MYH1: variants seen among roughly 807,000 people sequenced by gnomAD.
MYH1 encodes myosin heavy chain 1.
In MYH1, 214 loss-of-function variants were observed where a neutral mutation model predicts 225.6. That is an observed-to-expected ratio of 0.95 (90% CI 0.85 to 1.06). The LOEUF (loss-of-function observed/expected upper bound fraction) is 1.06. Among genes scored for constraint, MYH1 ranks in the 50% least tolerant of loss-of-function variants. The pLI is 0.00. For missense variants in MYH1, 2,098 were observed against 2,344.2 expected, an observed-to-expected ratio of 0.89 and a Z score of 2.17; for synonymous variants, 774 against 842.3, an observed-to-expected ratio of 0.92 and a Z score of 1.40.
intron 30 of MYH1, 121 bp downstream of exon 30, chr17:10,498,505 C>A (rs1376870112): frequency 1.9e-5 from 26 of 1,388,562 alleles, no homozygotes; most frequent in Non-Finnish European, 2.4e-5. Flanking sequence ...AAGGCATCTA[C>A]CAAAACATTA....
chr17:10,496,546 A>G lies in MYH1; in HGVS notation c.4660T>C (p.Ser1554Pro). ...LQAALEEAEA[S>P]LEHEEGKILR... ...ATCTTTCCCTCTTCATGTTCAAGAG[A>G]TGCCTTAATGACAGCAAGAGGTGAC... Residue 1554 changes from serine (S) to proline (P), a missense_variant, in exon 34 of 40, where the codon TCT becomes CCT. Transcript: ENST00000226207. The G allele has an allele frequency of 6.2e-7, 1 of 1,614,106 alleles. No homozygotes were observed. Among genetic ancestry groups the G allele is most frequent in the Non-Finnish European group, 8.5e-7 (1 of 1,180,020 alleles).
Position 10,501,374 on chromosome 17 carries a change from A to G in MYH1, c.3474T>C (p.Gly1158=). ...TCTCAATCTGGGCTGAGGTGGCCCC[A>G]CCGGCTTCTTCCAGCCTCTCGCTGA... ...EEISERLEEA[G]GATSAQIEMN... is the part of the protein sequence containing the mutation. The change falls in exon 27 of 40, where the codon GGT becomes GGC. Residue 1158 remains glycine, a synonymous_variant. Coordinates refer to ENST00000226207, the MANE Select transcript of MYH1 (RefSeq NM_005963.4). The G allele has an allele frequency of 6.2e-7, 1 of 1,614,064 alleles. No individual in the cohort carries two copies. The highest frequency in any genetic ancestry group is 8.5e-7 in the Non-Finnish European group (1 of 1,180,020).
Position 10,501,431 on chromosome 17 carries a change from C to A in MYH1, c.3417G>T (p.Gln1139His). 6.2e-7 allele frequency: 1 copy of A among 1,614,256 alleles called. No homozygotes were observed. Among genetic ancestry groups the A allele is most frequent in the Non-Finnish European group, 8.5e-7 (1 of 1,180,048 alleles). ...ERASRAKAEKQRSDLSRELEE... is the reference protein window; with the variant it reads ...ERASRAKAEKHRSDLSRELEE... ...CCAGCTCCCGGGAGAGATCAGAGCG[C>A]TGCTTCTCTGCTTTGGCCCGGGAGG... The change falls in exon 27 of 40, where the codon CAG (glutamine) becomes CAT (histidine). Residue 1139 changes from glutamine (Q) to histidine (H), a missense_variant. Transcript: ENST00000226207.
chr17:10,515,939 C>G lies in MYH1; in HGVS notation c.492G>C (p.Gln164His), dbSNP rs1283004277. 1.9e-6 allele frequency: 3 copies of G among 1,614,116 alleles called. No individual in the cohort carries two copies. The highest frequency in any genetic ancestry group is 2.5e-6 in the Non-Finnish European group (3 of 1,180,020). Reference sequence around the variant, plus strand: ...TGAGCCACTCACCAGTCAGCATGAACTGATAGGCATTGTCAGAGATGGAGA... The same window carrying G: ...TGAGCCACTCACCAGTCAGCATGAAGTGATAGGCATTGTCAGAGATGGAGA... Reference protein sequence around the residue: ...HIFSISDNAYQFMLTDRENQS... With the variant: ...HIFSISDNAYHFMLTDRENQS... The change falls in exon 5 of 40, where the codon CAG becomes CAC. Residue 164 changes from glutamine (Q) to histidine (H), a missense_variant. Physicochemically the swap from Gln to His is conservative, Grantham distance 24. Coordinates refer to ENST00000226207, the MANE Select transcript of MYH1 (RefSeq NM_005963.4).
intron 28 of MYH1, among the ~76,000 whole-genome samples, chr17:10,500,346 A>ATC (rs955379508): frequency 2.7e-5 from 4 of 150,732 alleles, no homozygotes; most frequent in South Asian, 2.1e-4. Flanking sequence ...GATTCTATTT[A>ATC]TCTCTCTCTC....
chr17:10,516,775 A>T, intron 2 of MYH1, 93 bp from the exon 3 acceptor site: 2 of 1,094,946 alleles, frequency 1.8e-6, no homozygotes, highest in Non-Finnish European at 2.6e-6. Context: ...TGACCAATTG[A>T]GTGCTTAGCA....
At chr17:10,500,489 C>A in intron 28 of MYH1, 137 bp downstream of exon 28, 1 of 1,284,098 alleles carries the variant, frequency 7.8e-7, no homozygotes. Context: ...TGCCAGTGGT[C>A]AATAATGTGT....
rs553417822 is a variant in MYH1, at chr17:10,502,802, G to A, written c.3047C>T (p.Ala1016Val). 6.2e-7 allele frequency: 1 copy of A among 1,614,002 alleles called. No homozygotes were observed. The highest frequency in any genetic ancestry group is 1.1e-5 in the South Asian group (1 of 91,074). ...AHQQTLDDLQ[A>V]EEDKVNTLTK... ...CAGGGTGTTGACTTTGTCCTCCTCT[G>A]CCTGCAGGTCATCCAGGGTCTGCTG... Residue 1016 changes from alanine to valine, a missense_variant, in exon 24 of 40, where the codon GCA (alanine) becomes GTA (valine). By Grantham distance (64) the Ala-to-Val change is moderately conservative. Coordinates refer to ENST00000226207, the MANE Select transcript of MYH1 (RefSeq NM_005963.4).
At chr17:10,509,828 T>A (rs1045927880) in intron 14 of MYH1, among the ~76,000 whole-genome samples, 173 bp from the exon 15 acceptor site, 2 of 152,202 alleles carry the variant, frequency 1.3e-5, no homozygotes, top group African/African-American at 4.8e-5. Context: ...AAATTGTCTC[T>A]TCAACACCTG....
intron 38 of MYH1, 46 bp downstream of exon 38, chr17:10,494,523 T>TC (rs763595810): frequency 8.7e-6 from 14 of 1,611,276 alleles, no homozygotes; most frequent in Non-Finnish European, 1.2e-5. Flanking sequence ...TGACTTTTAA[T>TC]CCCATGTGGA....
At chr17:10,501,079 C>A (rs1380955057) in intron 27 of MYH1, 31 bp downstream of exon 27, 15 of 1,606,224 alleles carry the variant, frequency 9.3e-6, no homozygotes, top group East Asian at 4.5e-5. Context: ...AAACAAAAAA[C>A]CAAATAATCA....
At position 10,516,652 on chromosome 17, in the gene MYH1, T is replaced by C. The variant is rs561785774; in HGVS notation, c.-10A>G. Reference sequence around the variant, plus strand: ...CAGAGTCGGAACTCATGGCTGCAGGTTATTGATGGTAGCCCAGTTAAGGAC... The same window carrying C: ...CAGAGTCGGAACTCATGGCTGCAGGCTATTGATGGTAGCCCAGTTAAGGAC... On this transcript the variant is annotated 5_prime_UTR_variant, in exon 3 of 40. Transcript: ENST00000226207. 9 of 1,614,052 alleles carry C rather than the reference T, an allele frequency of 5.6e-6. No homozygotes were observed. The South Asian group carries it at 9.9e-5, about 18-fold the overall frequency.
Position 10,505,158 on chromosome 17 carries a change from A to G in MYH1, c.2435+5T>C. The G allele has an allele frequency of 6.2e-7, 1 of 1,614,022 alleles. No individual in the cohort carries two copies. The highest frequency in any genetic ancestry group is 2.2e-5 in the East Asian group (1 of 44,886). On this transcript the variant is annotated splice_donor_5th_base_variant and intron_variant, in intron 21 of 39. Coordinates refer to ENST00000226207, the MANE Select transcript of MYH1 (RefSeq NM_005963.4). ...TGAGGTTAAGTAAAGAATTCTTATT[A>G]ATACCTTCTTTCCACCATTTTCTGG...
chr17:10,509,740 T>C, intron 14 of MYH1, 85 bp from the exon 15 acceptor site: 1 of 1,610,722 alleles, frequency 6.2e-7, no homozygotes, highest in Admixed American at 1.7e-5. Context: ...TTAGCCAAAT[T>C]GCCCTCTTAG....
rs575549959 is a variant in MYH1, at chr17:10,516,035, C to G, written c.396G>C (p.Leu132Phe). 1 of 1,614,198 alleles carries G rather than the reference C, an allele frequency of 6.2e-7. No individual in the cohort carries two copies. The highest frequency in any genetic ancestry group is 8.5e-7 in the Non-Finnish European group (1 of 1,180,028). ...FCVTVNPYKW[L>F]PVYNAEVVTA... ...TCACCACCTCTGCATTATACACTGG[C>G]AACCACTTGTAGGGGTTGACAGTGA... The change falls in exon 5 of 40, where the codon TTG becomes TTC. Residue 132 changes from leucine to phenylalanine, a missense_variant. Transcript: ENST00000226207.
rs1373239230 is a variant in MYH1, at chr17:10,496,372, T to G, written c.4834A>C (p.Arg1612=). The change falls in exon 34 of 40, where the codon AGG becomes CGG. Residue 1612 remains arginine (R), a synonymous_variant. Transcript: ENST00000226207. ...TTCTTGAGCCTAATGGCATCATTCC[T>G]GCTCCTGATCTCAGCATCCAGTGTG... ...QSTLDAEIRS[R]NDAIRLKKKM... 7.4e-6 allele frequency: 12 copies of G among 1,614,028 alleles called. No individual in the cohort carries two copies. The Admixed American group carries it at 1.0e-4, about 13-fold the overall frequency.
At position 10,497,144 on chromosome 17, in the gene MYH1, G is replaced by A. The variant is rs549223976; in HGVS notation, c.4581C>T (p.Ile1527=). The change falls in exon 33 of 40, where the codon ATC becomes ATT. Residue 1527 remains isoleucine, a synonymous_variant. Coordinates refer to ENST00000226207, the MANE Select transcript of MYH1 (RefSeq NM_005963.4). ...TEQIAEGGKR[I]HELEKIKKQV... ...GCTTCTTTATTTTTTCCAGTTCATGGATGCGCTTTCCTCCTTCTGCAATCT... is the reference window on the plus strand; with the variant it reads ...GCTTCTTTATTTTTTCCAGTTCATGAATGCGCTTTCCTCCTTCTGCAATCT... The A allele has an allele frequency of 6.2e-7, 1 of 1,614,062 alleles. No homozygotes were observed. The highest frequency in any genetic ancestry group is 1.3e-5 in the African/African-American group (1 of 75,038).
intron 17 of MYH1, among the ~76,000 whole-genome samples, chr17:10,507,542 AG>A (rs1165991243): frequency 6.6e-6 from 1 of 152,156 alleles, no homozygotes; most frequent in Non-Finnish European, 1.5e-5. Context: ...GCCTCAAGCA[AG>A]TCTCAGCTTT....
chr17:10,509,594 T>C lies in MYH1; in HGVS notation c.1478A>G (p.Asn493Ser). The change falls in exon 15 of 40, where the codon AAC (asparagine) becomes AGC (serine). Residue 493 changes from asparagine to serine, a missense_variant. Physicochemically the swap from Asn to Ser is conservative, Grantham distance 46. Coordinates refer to ENST00000226207, the MANE Select transcript of MYH1 (RefSeq NM_005963.4). ...FTNEKLQQFF[N>S]HHMFVLEQEE... is the part of the protein sequence containing the mutation. The stretch of plus-strand genomic sequence containing the variant: ...CTGCTCCAGCACGAACATGTGGTGG[T>C]TGAAAAACTGTTGCAGTTTCTCATT... 1.9e-6 allele frequency: 3 copies of C among 1,614,206 alleles called. No individual in the cohort carries two copies. Among genetic ancestry groups the C allele is most frequent in the Non-Finnish European group, 2.5e-6 (3 of 1,180,046 alleles).
Sources: allele counts gnomAD v4.1 joint callset (sites outside exome capture counted in the v4.1 genomes callset), GRCh38; gene constraint gnomAD v4.1.1; transcripts MANE v1.5; gene names NCBI Gene and HGNC (gene_info 2026-07-23, HGNC 2026-07-21).